The following CDH13 variants were observed in gnomAD, a reference collection of about 807,000 sequenced individuals.
CDH13 encodes cadherin-13.
In CDH13, 24 loss-of-function variants were observed where a neutral mutation model predicts 63.8. The observed-to-expected ratio is 0.38, with a 90% CI of 0.27 to 0.53. The LOEUF is 0.53. Ranked by LOEUF, CDH13 falls within the 20% of genes least tolerant of loss-of-function variation. The pLI is 0.85. For missense variants in CDH13, 1,049 were observed against 903.1 expected, an observed-to-expected ratio of 1.16 and a Z score of -2.07; for synonymous variants, 503 against 355.3, an observed-to-expected ratio of 1.42 and a Z score of -4.67.
intron 1 of CDH13, among the ~76,000 whole-genome samples, chr16:82,639,721 G>A (rs1406310103): frequency 1.3e-5 from 2 of 152,208 alleles, no homozygotes; most frequent in Admixed American, 6.5e-5. Flanking sequence ...GTTAATTTAA[G>A]TGCTTTAGTG....
At chr16:83,497,391 C>G (rs1445442955) in intron 7 of CDH13, among the ~76,000 whole-genome samples, 5 of 151,966 alleles carry the variant, frequency 3.3e-5, no homozygotes, top group Non-Finnish European at 5.9e-5. Flanking sequence ...AGTCATCATT[C>G]TCAGTAAACT....
chr16:83,151,535 A>T (rs2036979933), intron 4 of CDH13, among the ~76,000 whole-genome samples: 1 of 152,180 alleles, frequency 6.6e-6, no homozygotes. Flanking sequence ...TGAACCCCTA[A>T]AAGGCGGTGG....
At chr16:82,970,591 G>A (rs1051351330) in intron 2 of CDH13, among the ~76,000 whole-genome samples, 1 of 117,832 alleles carries the variant, frequency 8.5e-6, no homozygotes, top group South Asian at 2.4e-4. Flanking sequence ...AGTAGAGACG[G>A]GGTTTCACCT....
At chr16:83,609,765 A>G (rs967669218) in intron 8 of CDH13, among the ~76,000 whole-genome samples, 2 of 152,170 alleles carry the variant, frequency 1.3e-5, no homozygotes, top group African/African-American at 4.8e-5. Flanking sequence ...AAAATGTACA[A>G]TTCATTGGTT....
At chr16:82,728,788 A>T (rs12448904) in intron 1 of CDH13, among the ~76,000 whole-genome samples, 45,128 of 152,082 alleles carry the variant, frequency 0.3, 7,072 homozygotes, top group South Asian at 0.39. Flanking sequence ...TTTGTATAGC[A>T]TGTGATGCTG....
At chr16:83,715,900 A>T (rs1908827475) in intron 10 of CDH13, among the ~76,000 whole-genome samples, 1 of 152,230 alleles carries the variant, frequency 6.6e-6, no homozygotes, top group South Asian at 2.1e-4. Flanking sequence ...GGAAAAAAAC[A>T]ACAGATGTCC....
chr16:83,782,064 A>G (rs1915564068), intron 12 of CDH13, among the ~76,000 whole-genome samples: 1 of 152,138 alleles, frequency 6.6e-6, no homozygotes, highest in South Asian at 2.1e-4. Flanking sequence ...CCTTCTGGTA[A>G]TGATCATGCT....
intron 2 of CDH13, among the ~76,000 whole-genome samples, chr16:82,924,599 C>T (rs937219274): frequency 1.3e-5 from 2 of 152,074 alleles, no homozygotes; most frequent in African/African-American, 4.8e-5. Flanking sequence ...TTACGAAAAG[C>T]CACCATCCAC....
chr16:83,448,837 A>G (rs529826993), intron 6 of CDH13, among the ~76,000 whole-genome samples: 3 of 152,330 alleles, frequency 2.0e-5, no homozygotes, highest in African/African-American at 4.8e-5. Context: ...CTGAGACAGC[A>G]AAGACTCCAA....
intron 1 of CDH13, among the ~76,000 whole-genome samples, chr16:82,662,171 C>T (rs979512316): frequency 7.5e-5 from 11 of 146,412 alleles, no homozygotes; most frequent in African/African-American, 2.7e-4. Flanking sequence ...GAAAGGTCAC[C>T]CTTGTGTATT....
At position 82,628,716 on chromosome 16, in the gene CDH13, G is replaced by C. The variant is rs540262181; in HGVS notation, c.45+1579G>C. ...GGATCCCAAGCCTGGCTGTGAACCA[G>C]TTTTCCAGATGTCCTGTACCCTAGA... On this transcript the variant is annotated intron_variant, in intron 1 of 13. Transcript: ENST00000567109. 7.2e-5 allele frequency among the ~76,000 whole-genome samples: 11 copies of C among 152,246 alleles called. No individual in the cohort carries two copies. In the East Asian group the frequency reaches 1.7e-3, roughly 24 times the overall value.
chr16:82,712,247 T>C (rs1344077245), intron 1 of CDH13, among the ~76,000 whole-genome samples: 1 of 152,166 alleles, frequency 6.6e-6, no homozygotes, highest in African/African-American at 2.4e-5. Context: ...TTAATTTATT[T>C]TACTAATTAG....
At chr16:83,271,422 T>TAAAAAAAA (rs56382330) in intron 5 of CDH13, among the ~76,000 whole-genome samples, 284 of 26,026 alleles carry the variant, frequency 0.011, 85 homozygotes, top group Middle Eastern at 0.062. Context: ...GCAGAGTTCA[T>TAAAAAAAA]AAAAAAAAAA....
intron 1 of CDH13, among the ~76,000 whole-genome samples, chr16:82,793,461 C>A (rs1451623995): frequency 1.3e-5 from 2 of 152,052 alleles, no homozygotes; most frequent in Middle Eastern, 3.4e-3. Flanking sequence ...GAAAAAATAC[C>A]CTGTGGAGTT....
Position 83,552,515 on chromosome 16 carries a change from A to G in CDH13, c.961-49939A>G, listed in dbSNP as rs767414868. ...CATTAACTAATAGGGGAAATGCAAA[A>G]TGTTGATACCGCAGAATATAGAGAC... On this transcript the variant is annotated intron_variant, in intron 7 of 13. Transcript: ENST00000567109. Among the ~76,000 whole-genome samples the G allele has an allele frequency of 2.0e-5, 3 of 152,178 alleles. 1 individual carries two copies. Among genetic ancestry groups the G allele is most frequent in the South Asian group, 4.1e-4 (2 of 4,826 alleles).
intron 4 of CDH13, among the ~76,000 whole-genome samples, chr16:83,134,897 A>G (rs1372459875): frequency 6.6e-6 from 1 of 152,210 alleles, no homozygotes; most frequent in Non-Finnish European, 1.5e-5. Flanking sequence ...AGGAGGAAGC[A>G]ATATTTTTAA....
chr16:83,670,927 C>T lies in CDH13; in HGVS notation c.1239C>T (p.Ile413=). 1.2e-6 allele frequency: 2 copies of T among 1,610,186 alleles called. No individual in the cohort carries two copies. The highest frequency in any genetic ancestry group is 1.7e-6 in the Non-Finnish European group (2 of 1,177,148). Residue 413 remains isoleucine, a synonymous_variant, in exon 9 of 14, where the codon ATC becomes ATT. Transcript: ENST00000567109. The part of the protein sequence containing the change: ...INGNPGQSFE[I]HTNPQTNEGM... ...GAAACCCCGGGCAGAGCTTTGAAAT[C>T]CACACCAACCCTCAAACCAACGAAG...
chr16:82,936,105 T>C (rs1597247797), intron 2 of CDH13, among the ~76,000 whole-genome samples: 1 of 152,286 alleles, frequency 6.6e-6, no homozygotes, highest in East Asian at 1.9e-4. Context: ...CTTCTTACTG[T>C]ACATGTGGCT....
At chr16:82,907,272 G>T (rs985506253) in intron 2 of CDH13, among the ~76,000 whole-genome samples, 2 of 152,078 alleles carry the variant, frequency 1.3e-5, no homozygotes, top group Non-Finnish European at 2.9e-5. Flanking sequence ...CAGGAGGAAG[G>T]GGTGGCCCAC....
Sources: allele counts gnomAD v4.1 joint callset (sites outside exome capture counted in the v4.1 genomes callset), GRCh38; gene constraint gnomAD v4.1.1; transcripts MANE v1.5; gene names NCBI Gene and HGNC (gene_info 2026-07-23, HGNC 2026-07-21).